The following KCNJ6 variants were observed in gnomAD, a reference collection of about 807,000 sequenced individuals.
The protein encoded by KCNJ6 is potassium inwardly rectifying channel subfamily J member 6.
Under a neutral mutation model 34.2 loss-of-function variants are expected in KCNJ6, and 9 were observed. The ratio of observed to expected loss-of-function variants is 0.26; its 90% confidence interval spans 0.16 to 0.46. KCNJ6 has a LOEUF of 0.46. KCNJ6 is among the 20% of genes least tolerant of loss of function. The pLI is 1.00. For synonymous variants in KCNJ6, 196 were observed against 207.1 expected (o/e 0.95, Z 0.46); for missense variants, 236 against 531.3 (o/e 0.44, Z 5.46).
intron 3 of KCNJ6, among the ~76,000 whole-genome samples, chr21:37,667,803 C>T (rs558243553): frequency 6.6e-6 from 1 of 152,170 alleles, no homozygotes; most frequent in African/African-American, 2.4e-5. Context: ...TGCCCTCTGT[C>T]TCCCGGGGGA....
In KCNJ6 at chr21:37,863,846, G is replaced by GTTT. The variant is rs772060420; in HGVS notation, c.-27-23140_-27-23138dup. Among the ~76,000 whole-genome samples, 690 of 96,966 alleles carry GTTT rather than the reference G, an allele frequency of 7.1e-3. 103 individuals are homozygous for GTTT. Among genetic ancestry groups the GTTT allele is most frequent in the African/African-American group, 0.017 (402 of 23,048 alleles). The allele number at this position is 96,966 out of a possible 152,430, so 63.6% of individuals were successfully genotyped here. On this transcript the variant is annotated intron_variant, in intron 1 of 3. Transcript: ENST00000609713. ...CTTTAAGCAATTTTAAAATATAAAG[G>GTTT]TTTTTTTTTTTTTGTTTTTTTTTTT... is the stretch of plus-strand genomic sequence containing the variant.
At chr21:37,846,286 C>T (rs533681883) in intron 1 of KCNJ6, among the ~76,000 whole-genome samples, 23 of 151,434 alleles carry the variant, frequency 1.5e-4, no homozygotes, top group African/African-American at 5.6e-4. Context: ...TCTAAAATGA[C>T]AGAGGTGTTT....
chr21:37,729,530 C>G (rs1436583076), intron 2 of KCNJ6, among the ~76,000 whole-genome samples: 3 of 152,174 alleles, frequency 2.0e-5, no homozygotes. Context: ...TGCCATGATG[C>G]TCAGGCTGGT....
chr21:37,728,682 G>A (rs1020612289), intron 2 of KCNJ6, among the ~76,000 whole-genome samples: 1 of 140,174 alleles, frequency 7.1e-6, no homozygotes, highest in Admixed American at 6.9e-5. Context: ...GGGTAGGTAT[G>A]TGTGTGTGTG....
intron 2 of KCNJ6, chr21:37,719,270 T>C (rs922690898): frequency 1.3e-5 from 2 of 152,442 alleles, no homozygotes; most frequent in Admixed American, 6.5e-5. Flanking sequence ...CTGGCATGCA[T>C]GCAGATGTTG....
intron 3 of KCNJ6, among the ~76,000 whole-genome samples, chr21:37,693,788 T>TTGG (rs1463833909): frequency 1.3e-5 from 2 of 152,196 alleles, no homozygotes; most frequent in African/African-American, 4.8e-5. Flanking sequence ...CTGTTACCTT[T>TTGG]TGGTAGTCTG....
rs142233862 is a variant in KCNJ6, at chr21:37,665,610, A to T, written c.947-40126T>A. On this transcript the variant is annotated intron_variant, in intron 3 of 3. Coordinates refer to ENST00000609713, the MANE Select transcript of KCNJ6 (RefSeq NM_002240.5). ...GGTAGAGCTGGATTTGGACAGCTCA[A>T]TGCAGGTGTGCCAACCTTTCCTTCC... is the stretch of plus-strand genomic sequence containing the variant. 6.6e-5 allele frequency among the ~76,000 whole-genome samples: 10 copies of T among 152,324 alleles called. No individual in the cohort carries two copies. The East Asian group carries it at 1.9e-3, about 29-fold the overall frequency.
At chr21:37,896,176 C>T (rs1027614949) in intron 1 of KCNJ6, among the ~76,000 whole-genome samples, 2 of 152,234 alleles carry the variant, frequency 1.3e-5, no homozygotes, top group South Asian at 4.2e-4. Flanking sequence ...TTAAACAACC[C>T]GATCTCGTAA....
At position 37,799,538 on chromosome 21, in the gene KCNJ6, G is replaced by A. The variant is rs190986840; in HGVS notation, c.25+41120C>T. Among the ~76,000 whole-genome samples the A allele has an allele frequency of 3.2e-4, 49 of 152,314 alleles. 2 individuals are homozygous for A. Among genetic ancestry groups the A allele is most frequent in the Admixed American group, 2.5e-3 (39 of 15,298 alleles). On this transcript the variant is annotated intron_variant, in intron 2 of 3. Transcript: ENST00000609713. The stretch of plus-strand genomic sequence containing the variant: ...AGTAATTATGGGTCAACAGGCAAGA[G>A]CAAGTTCTTCTGCTTGAGGCAGAAA...
chr21:37,873,507 GCT>G (rs1453161910), intron 1 of KCNJ6, among the ~76,000 whole-genome samples: 1 of 152,122 alleles, frequency 6.6e-6, no homozygotes, highest in Non-Finnish European at 1.5e-5. Context: ...TCTTAAACCA[GCT>G]CTCTAAACAC....
chr21:37,726,429 C>T (rs972077320), intron 2 of KCNJ6, among the ~76,000 whole-genome samples: 14 of 151,938 alleles, frequency 9.2e-5, no homozygotes, highest in Non-Finnish European at 1.5e-4. Flanking sequence ...GGAAAAAGCA[C>T]GTGGTACATG....
intron 2 of KCNJ6, among the ~76,000 whole-genome samples, chr21:37,820,671 T>C (rs984620981): frequency 6.6e-6 from 1 of 152,268 alleles, no homozygotes; most frequent in Non-Finnish European, 1.5e-5. Flanking sequence ...GAAAGTGCCA[T>C]GTCAATGTTA....
chr21:37,788,456 C>G (rs2055202074), intron 2 of KCNJ6, among the ~76,000 whole-genome samples: 2 of 152,134 alleles, frequency 1.3e-5, no homozygotes, highest in African/African-American at 2.4e-5. Context: ...GACCAATGTG[C>G]CTGTGAAAGA....
intron 1 of KCNJ6, among the ~76,000 whole-genome samples, chr21:37,907,412 T>A (rs2055847062): frequency 6.6e-6 from 1 of 152,176 alleles, no homozygotes; most frequent in African/African-American, 2.4e-5. Flanking sequence ...TGAGGTCCAG[T>A]CTGATTTGTT....
chr21:37,796,581 T>C (rs2123527189), intron 2 of KCNJ6, among the ~76,000 whole-genome samples: 1 of 152,206 alleles, frequency 6.6e-6, no homozygotes, highest in African/African-American at 2.4e-5. Flanking sequence ...CCCTCCTGGT[T>C]CTCATACTGA....
At chr21:37,671,397 T>G (rs2054541732) in intron 3 of KCNJ6, among the ~76,000 whole-genome samples, 1 of 152,252 alleles carries the variant, frequency 6.6e-6, no homozygotes, top group Non-Finnish European at 1.5e-5. Flanking sequence ...CGTGCCCCTC[T>G]TCTTGCCTCT....
intron 2 of KCNJ6, among the ~76,000 whole-genome samples, chr21:37,720,391 G>T (rs1211117514): frequency 6.6e-6 from 1 of 152,138 alleles, no homozygotes; most frequent in Non-Finnish European, 1.5e-5. Flanking sequence ...CTTATTGGGG[G>T]TATGAATTAG....
At chr21:37,841,062 G>A (rs957767043) in intron 1 of KCNJ6, among the ~76,000 whole-genome samples, 1 of 151,890 alleles carries the variant, frequency 6.6e-6, no homozygotes, top group Non-Finnish European at 1.5e-5. Flanking sequence ...CCCCATTGAA[G>A]CTTTCTTGGT....
intron 2 of KCNJ6, among the ~76,000 whole-genome samples, chr21:37,768,528 C>T (rs1157720514): frequency 6.6e-6 from 1 of 152,310 alleles, no homozygotes; most frequent in East Asian, 1.9e-4. Context: ...GAGGATGACA[C>T]TGGATGTTCA....
Sources: allele counts gnomAD v4.1 joint callset (sites outside exome capture counted in the v4.1 genomes callset), GRCh38; gene constraint gnomAD v4.1.1; transcripts MANE v1.5; gene names NCBI Gene and HGNC (gene_info 2026-07-23, HGNC 2026-07-21).